The following SPATA13 variants were observed in gnomAD, a reference collection of about 807,000 sequenced individuals.
SPATA13 encodes the protein spermatogenesis associated 13, also known as spermatogenesis-associated protein 13.
In SPATA13, 50 loss-of-function variants were observed where a neutral mutation model predicts 104.0. That is an observed-to-expected ratio of 0.48 (90% confidence interval 0.38 to 0.61). The LOEUF (loss-of-function observed/expected upper bound fraction) is 0.61, where lower values mean the gene tolerates loss of function less well. Ranked by LOEUF, SPATA13 falls within the 20% of genes least tolerant of loss-of-function variation. SPATA13 has a pLI of 0.00. For synonymous variants in SPATA13, 606 were observed against 667.5 expected, an observed-to-expected ratio of 0.91 and a Z score of 1.42; for missense variants, 1,524 against 1,690.6, an observed-to-expected ratio of 0.90 and a Z score of 1.73.
chr13:24,278,992 CCCTTCCTTCCTT>C (rs1555275424), intron 4 of SPATA13, among the ~76,000 whole-genome samples: 3 of 88,728 alleles, frequency 3.4e-5, no homozygotes, highest in African/African-American at 8.6e-5. Context: ...CTCCCTCCCT[CCCTTCCTTCCTT>C]CCTTCCCTGC....
intron 4 of SPATA13, among the ~76,000 whole-genome samples, chr13:24,271,908 C>G (rs2138697850): frequency 6.6e-6 from 1 of 152,208 alleles, no homozygotes; most frequent in Non-Finnish European, 1.5e-5. Flanking sequence ...GCTTCTGTGT[C>G]TGGTGGATTA....
At chr13:23,987,794 A>G (rs1464171215) in intron 2 of SPATA13, among the ~76,000 whole-genome samples, 1 of 152,108 alleles carries the variant, frequency 6.6e-6, no homozygotes, top group Non-Finnish European at 1.5e-5. Flanking sequence ...GGCAACCACC[A>G]TTCTACTTTC....
intron 1 of SPATA13, among the ~76,000 whole-genome samples, chr13:24,216,684 G>A (rs1871274805): frequency 6.6e-6 from 1 of 152,154 alleles, no homozygotes; most frequent in African/African-American, 2.4e-5. Flanking sequence ...GAGGAAGGAC[G>A]GTGTCTGGCA....
intron 1 of SPATA13, among the ~76,000 whole-genome samples, chr13:24,188,012 T>C (rs1344825276): frequency 6.6e-6 from 1 of 152,116 alleles, no homozygotes; most frequent in Non-Finnish European, 1.5e-5. Flanking sequence ...AGCTAAGTCA[T>C]GAATGCAAAG....
chr13:24,173,515 T>C (rs1248913413), intron 1 of SPATA13, among the ~76,000 whole-genome samples: 1 of 150,458 alleles, frequency 6.6e-6, no homozygotes, highest in Non-Finnish European at 1.5e-5. Flanking sequence ...CCCCAACTTT[T>C]TTTTTTTTTT....
rs569504467 is a variant in SPATA13 at position 24,037,961 on chromosome 13, C to G, written c.-112+20260C>G. ...GAGTCTCGCTCTGTCACCCAGGCTG[C>G]ATTGCAGTGGCACAATCTTGGCTCA... On this transcript the variant is annotated intron_variant, in intron 3 of 14. Coordinates refer to the SPATA13 transcript ENST00000424834. Among the ~76,000 whole-genome samples the G allele has an allele frequency of 2.8e-3, 420 of 152,072 alleles. 4 individuals are homozygous for G. Among genetic ancestry groups the G allele is most frequent in the Admixed American group, 9.0e-3 (138 of 15,266 alleles).
intron 3 of SPATA13, among the ~76,000 whole-genome samples, chr13:24,078,387 A>G (rs1224871410): frequency 6.6e-6 from 1 of 152,250 alleles, no homozygotes. Flanking sequence ...TACAGATGGT[A>G]GCTCATTGAA....
rs2146686 is a variant in SPATA13, at chr13:24,115,890, C to G, written c.-112+98189C>G. On this transcript the variant is annotated intron_variant, in intron 3 of 14. Coordinates refer to the SPATA13 transcript ENST00000424834. ...AGCCTCAGCTCCTCACCTCATGGAT[C>G]TCTCCTGAGCACAGTTTTCCTGTCC... Among the ~76,000 whole-genome samples the G allele has an allele frequency of 1.6e-4, 24 of 152,340 alleles. No individual in the cohort carries two copies. In the East Asian group the frequency reaches 4.4e-3, roughly 28 times the overall value.
At chr13:23,994,053 C>T (rs1187659359) in intron 2 of SPATA13, among the ~76,000 whole-genome samples, 1 of 150,760 alleles carries the variant, frequency 6.6e-6, no homozygotes, top group Non-Finnish European at 1.5e-5. Flanking sequence ...AAGTGATTGC[C>T]ACGCATTGGC....
At position 24,062,861 on chromosome 13, in the gene SPATA13, A is replaced by C. The variant is rs1452978829; in HGVS notation, c.-112+45160A>C. On this transcript the variant is annotated intron_variant, in intron 3 of 14. Transcript: ENST00000424834. ...CAATTTGGAGTGGGTTTTGCCAGGA[A>C]ATTACTTTGGAAACTGTTGCAAACT... Among the ~76,000 whole-genome samples the C allele has an allele frequency of 4.6e-5, 7 of 152,282 alleles. No homozygotes were observed. In the East Asian group the frequency reaches 1.3e-3, roughly 29 times the overall value.
chr13:23,985,375 C>T (rs989148000), intron 2 of SPATA13, among the ~76,000 whole-genome samples: 5 of 152,364 alleles, frequency 3.3e-5, no homozygotes, highest in South Asian at 2.1e-4. Flanking sequence ...ACCCCAGGAA[C>T]GGCTGATGTG....
chr13:24,166,406 A>C (rs1015189865), intron 1 of SPATA13, among the ~76,000 whole-genome samples: 8 of 152,076 alleles, frequency 5.3e-5, no homozygotes, highest in Non-Finnish European at 1.0e-4. Context: ...CTAACAGAGG[A>C]GTGAGCAATT....
At chr13:24,201,444 G>T (rs1033584735) in intron 1 of SPATA13, among the ~76,000 whole-genome samples, 1 of 27,390 alleles carries the variant, frequency 3.7e-5, no homozygotes, top group Non-Finnish European at 1.5e-4. Flanking sequence ...TGACATTAGA[G>T]TTCACTCTTT....
chr13:24,124,202 T>C (rs1435726449), intron 3 of SPATA13, among the ~76,000 whole-genome samples: 1 of 152,206 alleles, frequency 6.6e-6, no homozygotes, highest in Non-Finnish European at 1.5e-5. Flanking sequence ...ATAAACTGAT[T>C]TTCGGTTTTT....
At chr13:24,040,170 G>A (rs1419115532) in intron 3 of SPATA13, among the ~76,000 whole-genome samples, 2 of 152,198 alleles carry the variant, frequency 1.3e-5, no homozygotes, top group Non-Finnish European at 2.9e-5. Flanking sequence ...ACCAAATGGC[G>A]AGTGCCCTAT....
rs1302129912 is a variant in SPATA13 at position 24,122,384 on chromosome 13, T to C, written c.-111-100435T>C. 1.2e-5 allele frequency: 19 copies of C among 1,574,704 alleles called. No homozygotes were observed. The Admixed American group carries it at 2.5e-4, about 21-fold the overall frequency. ...ACAGGGTTATCTTCATCATCAATGA[T>C]TGTGGAATAGCCTTCCAGAGCAGTC... On this transcript the variant is annotated intron_variant, in intron 3 of 14. Coordinates refer to the SPATA13 transcript ENST00000424834.
At chr13:24,143,084 G>A (rs1431159244) in intron 3 of SPATA13, among the ~76,000 whole-genome samples, 1 of 152,216 alleles carries the variant, frequency 6.6e-6, no homozygotes, top group African/African-American at 2.4e-5. Context: ...GGCAGCAGGC[G>A]AGAGGCAGGA....
chr13:24,076,819 G>A (rs536976137), intron 3 of SPATA13, among the ~76,000 whole-genome samples: 56 of 151,942 alleles, frequency 3.7e-4, no homozygotes, highest in African/African-American at 1.2e-3. Flanking sequence ...GCAGTCCCAG[G>A]GGGCGTGTTC....
At chr13:24,257,016 C>A (rs1873823184) in intron 4 of SPATA13, among the ~76,000 whole-genome samples, 1 of 152,218 alleles carries the variant, frequency 6.6e-6, no homozygotes, top group Non-Finnish European at 1.5e-5. Flanking sequence ...TTTGAGACAA[C>A]TTACTCCATC....
Sources: gnomAD v4.1 joint callset for allele counts (sites outside exome capture counted in the v4.1 genomes callset) on GRCh38, gnomAD v4.1.1 for gene constraint, MANE v1.5 for transcripts, NCBI Gene and HGNC (gene_info 2026-07-23, HGNC 2026-07-21) for gene names.